MINDY3: variants seen among roughly 807,000 people sequenced by gnomAD.
MINDY3 encodes MINDY lysine 48 deubiquitinase 3.
A neutral mutation model predicts 69.2 loss-of-function variants in MINDY3; 38 were observed. That is an observed-to-expected ratio of 0.55 (90% CI 0.42 to 0.72). MINDY3 has a LOEUF of 0.72. Ranked by LOEUF, MINDY3 falls within the 30% of genes least tolerant of loss-of-function variation. The pLI is 0.00. For missense variants in MINDY3, 522 were observed against 519.0 expected (o/e 1.01, Z -0.06); for synonymous variants, 192 against 180.1 (o/e 1.07, Z -0.53).
chr10:15,839,994 T>C (rs1289846354), intron 4 of MINDY3, among the ~76,000 whole-genome samples: 1 of 151,662 alleles, frequency 6.6e-6, no homozygotes, highest in Non-Finnish European at 1.5e-5. Context: ...ACCACAGAAC[T>C]GCATAGCATA....
At position 15,789,242 on chromosome 10, in the gene MINDY3, C is replaced by G; in HGVS notation, c.1028+5G>C. 6.2e-7 allele frequency: 1 copy of G among 1,602,592 alleles called. No homozygotes were observed. Among genetic ancestry groups the G allele is most frequent in the Non-Finnish European group, 8.5e-7 (1 of 1,170,594 alleles). On this transcript the variant is annotated splice_donor_5th_base_variant and intron_variant, in intron 12 of 14. Coordinates refer to ENST00000277632, the MANE Select transcript of MINDY3 (RefSeq NM_024948.4). Reference sequence around the variant, plus strand: ...TGGCTAAATAACACTTCCTATTTAGCTTACTATTCAGGATCTGAAACAAGG... The same window carrying G: ...TGGCTAAATAACACTTCCTATTTAGGTTACTATTCAGGATCTGAAACAAGG...
At chr10:15,796,847 C>A (rs1837877016) in intron 10 of MINDY3, among the ~76,000 whole-genome samples, 1 of 152,036 alleles carries the variant, frequency 6.6e-6, no homozygotes, top group African/African-American at 2.4e-5. Flanking sequence ...CTCTTTGATT[C>A]TTTACATTTA....
chr10:15,783,662 A>G (rs1233633282), intron 13 of MINDY3, among the ~76,000 whole-genome samples: 1 of 152,178 alleles, frequency 6.6e-6, no homozygotes, highest in African/African-American at 2.4e-5. Flanking sequence ...TATTATTTTG[A>G]AAGACTGTTT....
intron 4 of MINDY3, 139 bp downstream of exon 4, chr10:15,841,287 G>GCTC: frequency 1.5e-6 from 1 of 645,892 alleles, no homozygotes; most frequent in South Asian, 2.3e-5. Context: ...AAAAAATAGT[G>GCTC]AGGCTCAGTA....
intron 14 of MINDY3, among the ~76,000 whole-genome samples, chr10:15,781,079 A>T (rs1359029652): frequency 2.6e-5 from 4 of 152,198 alleles, no homozygotes; most frequent in Non-Finnish European, 5.9e-5. Flanking sequence ...ACTCTAGATG[A>T]AGCACTCATT....
At chr10:15,823,945 C>T (rs1473674946) in intron 8 of MINDY3, among the ~76,000 whole-genome samples, 1 of 152,144 alleles carries the variant, frequency 6.6e-6, no homozygotes, top group Non-Finnish European at 1.5e-5. Flanking sequence ...TTATGACCTC[C>T]AGTTCCATTC....
At chr10:15,784,633 A>G (rs1406816557) in intron 13 of MINDY3, among the ~76,000 whole-genome samples, 4 of 152,156 alleles carry the variant, frequency 2.6e-5, no homozygotes, top group Admixed American at 1.3e-4. Context: ...GCTACACAGG[A>G]GGCTGAGGCA....
intron 1 of MINDY3, among the ~76,000 whole-genome samples, chr10:15,857,080 A>C (rs998008929): frequency 1.3e-5 from 2 of 152,192 alleles, no homozygotes; most frequent in Admixed American, 1.3e-4. Context: ...AGTCCTTCTA[A>C]TGGCCTAGAA....
Position 15,778,904 on chromosome 10 carries a change from G to T in MINDY3, c.*88C>A. The T allele has an allele frequency of 1.8e-6, 2 of 1,083,334 alleles. No homozygotes were observed. The highest frequency in any genetic ancestry group is 1.6e-5 in the African/African-American group (1 of 63,384). 67.1% of individuals were successfully genotyped at this position (1,083,334 alleles called of 1,614,324 possible). The stretch of plus-strand genomic sequence containing the variant: ...TATTTACAGTTAATCAGTGATACCA[G>T]TGTTTAGCTTAATCCAGCCAATTGC... On this transcript the variant is annotated 3_prime_UTR_variant, in exon 15 of 15. Transcript: ENST00000277632.
intron 10 of MINDY3, among the ~76,000 whole-genome samples, chr10:15,803,123 C>A (rs1838383438): frequency 6.6e-6 from 1 of 152,048 alleles, no homozygotes; most frequent in African/African-American, 2.4e-5. Context: ...TTTATTTAAA[C>A]CTTGTTTAAA....
intron 1 of MINDY3, among the ~76,000 whole-genome samples, chr10:15,848,687 A>G (rs150852788): frequency 6.7e-6 from 1 of 148,258 alleles, no homozygotes; most frequent in East Asian, 2.0e-4. Context: ...ATGGCATTGT[A>G]GACAGTACAT....
At chr10:15,822,668 C>G (rs1839849315) in intron 8 of MINDY3, among the ~76,000 whole-genome samples, 1 of 152,022 alleles carries the variant, frequency 6.6e-6, no homozygotes. Context: ...ATTGAGGTAC[C>G]TTTACGTGCT....
At chr10:15,810,728 C>T (rs1030195765) in intron 10 of MINDY3, among the ~76,000 whole-genome samples, 3 of 152,088 alleles carry the variant, frequency 2.0e-5, no homozygotes, top group East Asian at 3.8e-4. Context: ...GGTGACAAAA[C>T]ACAAAAATCC....
At chr10:15,846,801 G>A (rs1020742087) in intron 2 of MINDY3, among the ~76,000 whole-genome samples, 3 of 149,902 alleles carry the variant, frequency 2.0e-5, no homozygotes, top group African/African-American at 7.4e-5. Flanking sequence ...TCGGCTCACT[G>A]CAACATCCAC....
chr10:15,853,732 C>G (rs1834479108), intron 1 of MINDY3, among the ~76,000 whole-genome samples: 2 of 144,306 alleles, frequency 1.4e-5, no homozygotes, highest in South Asian at 4.5e-4. Context: ...GCTGAACCAG[C>G]TACTTTTTTT....
At chr10:15,843,184 C>A (rs985369950) in intron 3 of MINDY3, 28 bp downstream of exon 3, 27 of 1,592,074 alleles carry the variant, frequency 1.7e-5, no homozygotes, top group African/African-American at 1.2e-4. Flanking sequence ...GAGGAGGAAG[C>A]AAAAGTTTTA....
chr10:15,831,707 G>A (rs909666639), intron 8 of MINDY3, among the ~76,000 whole-genome samples: 29 of 134,160 alleles, frequency 2.2e-4, no homozygotes, highest in African/African-American at 8.2e-4. Flanking sequence ...ATGGAGTCTC[G>A]CTCTATTGCT....
chr10:15,818,875 T>G lies in MINDY3; in HGVS notation c.802-1960A>C, dbSNP rs192133553. Among the ~76,000 whole-genome samples, 591 of 152,178 alleles carry G rather than the reference T, an allele frequency of 3.9e-3. 3 individuals are homozygous for G. The highest frequency in any genetic ancestry group is 0.013 in the African/African-American group (524 of 41,514). On this transcript the variant is annotated intron_variant, in intron 9 of 14. Transcript: ENST00000277632. ...GCTAATGGGTTTAGAGCTCCTTTTG[T>G]GGGTAAGGAAAACATTTTGGAATTA... is the stretch of plus-strand genomic sequence containing the variant.
chr10:15,783,031 G>A (rs1229491019), intron 13 of MINDY3, among the ~76,000 whole-genome samples: 2 of 152,108 alleles, frequency 1.3e-5, no homozygotes, highest in African/African-American at 4.8e-5. Flanking sequence ...CATATCCGAT[G>A]GATACAAACA....
Sources: allele counts gnomAD v4.1 joint callset (sites outside exome capture counted in the v4.1 genomes callset), GRCh38; gene constraint gnomAD v4.1.1; transcripts MANE v1.5; gene names NCBI Gene and HGNC (gene_info 2026-07-23, HGNC 2026-07-21).